Variants in XRRA1 observed in about 807,000 individuals in gnomAD.
The protein encoded by XRRA1 is X-ray radiation resistance-associated protein 1.
In XRRA1, 69 loss-of-function variants were observed where a neutral mutation model predicts 80.2. The observed-to-expected ratio is 0.86, with a 90% CI of 0.71 to 1.05. The LOEUF (loss-of-function observed/expected upper bound fraction) is 1.05, where lower values mean the gene tolerates loss of function less well. Among genes scored for constraint, XRRA1 ranks in the 50% least tolerant of loss-of-function variants. The pLI, the probability that XRRA1 is intolerant of heterozygous loss-of-function variation, is 0.00. For synonymous variants in XRRA1, 348 were observed against 389.9 expected (o/e 0.89, Z 1.27); for missense variants, 967 against 976.4 (o/e 0.99, Z 0.13).
chr11:74,874,127 C>A (rs1054775407), intron 10 of XRRA1, among the ~76,000 whole-genome samples: 7 of 149,210 alleles, frequency 4.7e-5, no homozygotes, highest in African/African-American at 1.7e-4. Context: ...TCCCAGCTAC[C>A]CAGGAGGCTG....
chr11:74,880,902 T>C (rs2047389569), intron 10 of XRRA1, among the ~76,000 whole-genome samples: 1 of 150,872 alleles, frequency 6.6e-6, no homozygotes, highest in African/African-American at 2.4e-5. Flanking sequence ...AATTTTGGAA[T>C]AGGTGTGGTG....
chr11:74,939,466 T>C (rs1945843551), intron 3 of XRRA1, among the ~76,000 whole-genome samples: 1 of 152,258 alleles, frequency 6.6e-6, no homozygotes, highest in South Asian at 2.1e-4. Flanking sequence ...CCGCCATTAT[T>C]TATTTCATTG....
At chr11:74,924,008 A>G (rs1197796037) in intron 7 of XRRA1, among the ~76,000 whole-genome samples, 2 of 150,762 alleles carry the variant, frequency 1.3e-5, no homozygotes, top group South Asian at 2.1e-4. Context: ...CCACCATGCT[A>G]ATTTTTTTTA....
intron 10 of XRRA1, among the ~76,000 whole-genome samples, chr11:74,903,142 A>G (rs1487548272): frequency 1.3e-5 from 2 of 152,252 alleles, no homozygotes. Flanking sequence ...GTGAGTGTAC[A>G]CTGAAGCAAC....
intron 6 of XRRA1, among the ~76,000 whole-genome samples, chr11:74,927,975 G>A (rs917287049): frequency 4.6e-5 from 7 of 152,122 alleles, no homozygotes; most frequent in Admixed American, 2.0e-4. Flanking sequence ...GAGTCATACT[G>A]TACACACTGT....
chr11:74,931,687 C>T (rs1231298139), intron 5 of XRRA1: 2 of 152,160 alleles, frequency 1.3e-5, no homozygotes, highest in African/African-American at 4.8e-5. Context: ...CAAGTTTATT[C>T]ATTCTCATTT....
chr11:74,933,072 G>T (rs1484237729), intron 5 of XRRA1, among the ~76,000 whole-genome samples: 3 of 152,176 alleles, frequency 2.0e-5, no homozygotes, highest in African/African-American at 7.2e-5. Context: ...TTCATTGCAT[G>T]AGTCACAGCA....
At chr11:74,888,722 A>T (rs2049796112) in intron 10 of XRRA1, among the ~76,000 whole-genome samples, 1 of 152,252 alleles carries the variant, frequency 6.6e-6, no homozygotes, top group South Asian at 2.1e-4. Context: ...GAAGTCCTTA[A>T]AGGACCTGAT....
intron 16 of XRRA1, among the ~76,000 whole-genome samples, chr11:74,844,743 A>G (rs1404826990): frequency 6.6e-6 from 1 of 152,220 alleles, no homozygotes; most frequent in African/African-American, 2.4e-5. Flanking sequence ...GGAAAAGCTC[A>G]AGAATCTGGC....
intron 10 of XRRA1, among the ~76,000 whole-genome samples, chr11:74,900,225 A>G (rs1185607949): frequency 6.6e-6 from 1 of 152,116 alleles, no homozygotes; most frequent in Non-Finnish European, 1.5e-5. Flanking sequence ...AATATATCTG[A>G]TGAATATTGA....
chr11:74,878,733 T>C (rs1237840320), intron 10 of XRRA1, among the ~76,000 whole-genome samples: 6 of 149,862 alleles, frequency 4.0e-5, no homozygotes, highest in Non-Finnish European at 6.0e-5. Context: ...CCTTTCCCCA[T>C]TGCTTGTTTT....
intron 17 of XRRA1, 100 bp from the exon 18 acceptor site, chr11:74,844,059 G>A: frequency 6.9e-7 from 1 of 1,452,616 alleles, no homozygotes; most frequent in Non-Finnish European, 9.6e-7. Flanking sequence ...GGGGCATCTG[G>A]GGGTGCTGGG....
chr11:74,923,344 C>A (rs1169643167), intron 7 of XRRA1, among the ~76,000 whole-genome samples: 2 of 152,176 alleles, frequency 1.3e-5, no homozygotes, highest in Non-Finnish European at 2.9e-5. Context: ...ATGCCACCAT[C>A]AGCAAATTCC....
At chr11:74,882,303 G>T (rs1190682204) in intron 10 of XRRA1, among the ~76,000 whole-genome samples, 1 of 148,456 alleles carries the variant, frequency 6.7e-6, no homozygotes, top group Non-Finnish European at 1.5e-5. Flanking sequence ...TGATTGCATC[G>T]GCTCCTGAGG....
chr11:74,877,766 T>C (rs1224983294), intron 10 of XRRA1, among the ~76,000 whole-genome samples: 1 of 152,176 alleles, frequency 6.6e-6, no homozygotes, highest in African/African-American at 2.4e-5. Context: ...TCCAATTTCA[T>C]CCATGTCCCT....
At chr11:74,846,212 A>G (rs1428650321) in intron 15 of XRRA1, 1 of 152,192 alleles carries the variant, frequency 6.6e-6, no homozygotes, top group African/African-American at 2.4e-5. Context: ...CACCATGTAT[A>G]TACGTGTGTG....
At chr11:74,851,256 G>A in intron 13 of XRRA1, 53 bp from the exon 14 acceptor site, 1 of 1,365,994 alleles carries the variant, frequency 7.3e-7, no homozygotes, top group South Asian at 1.3e-5. Flanking sequence ...TTATACTGGG[G>A]CTTACTATGT....
At chr11:74,847,831 A>T (rs942986194) in intron 15 of XRRA1, among the ~76,000 whole-genome samples, 1 of 152,206 alleles carries the variant, frequency 6.6e-6, no homozygotes, top group East Asian at 1.9e-4. Context: ...AACCCCTCTG[A>T]AAAACTAGTT....
intron 15 of XRRA1, among the ~76,000 whole-genome samples, chr11:74,846,373 T>TA (rs562830784): frequency 4.8e-4 from 73 of 152,152 alleles, no homozygotes; most frequent in Non-Finnish European, 8.7e-4. Context: ...ACCAAACATT[T>TA]AAAAAAGAAT....
Sources: gnomAD v4.1 joint callset for allele counts (sites outside exome capture counted in the v4.1 genomes callset) on GRCh38, gnomAD v4.1.1 for gene constraint, MANE v1.5 for transcripts, NCBI Gene and HGNC (gene_info 2026-07-23, HGNC 2026-07-21) for gene names.